KPRP: variants seen among roughly 807,000 people sequenced by gnomAD.
KPRP encodes the protein keratinocyte proline rich protein, also known as keratinocyte proline-rich protein.
For synonymous variants in KPRP, 282 were observed against 276.9 expected, an observed-to-expected ratio of 1.02 and a Z score of -0.18; for missense variants, 820 against 746.4, an observed-to-expected ratio of 1.10 and a Z score of -1.15.
upstream of KPRP, among the ~76,000 whole-genome samples, chr1:152,758,320 A>C (rs190002713): frequency 8.5e-5 from 13 of 152,326 alleles, no homozygotes; most frequent in East Asian, 2.5e-3. Flanking sequence ...ATTTTCCCTC[A>C]TGATCTTTCT....
upstream of KPRP, chr1:152,759,484 T>G (rs749808988): frequency 6.1e-6 from 9 of 1,479,812 alleles, no homozygotes; most frequent in Non-Finnish European, 7.2e-6. Flanking sequence ...CTAGGGAAGA[T>G]GCAGGGTGTC....
At position 152,759,910 on chromosome 1, in the gene KPRP, C is replaced by T. The variant is rs747312173; in HGVS notation, c.322C>T (p.Gln108Ter). ...ATCCCAATCTCAAACTTCCTCTGTTCAAAGCCAGGCTCCATGCCAATCTGA... is the reference window on the plus strand; with the variant it reads ...ATCCCAATCTCAAACTTCCTCTGTTTAAAGCCAGGCTCCATGCCAATCTGA... The change falls in exon 1 of 1, where the codon CAA becomes TAA. Residue 108 changes from glutamine to a stop codon, truncating the protein, a stop_gained. Coordinates refer to ENST00000606109, the Ensembl canonical transcript of KPRP. LOFTEE classifies it low-confidence loss of function (END_TRUNC). The T allele has an allele frequency of 1.2e-6, 2 of 1,614,110 alleles. No homozygotes were observed. Among genetic ancestry groups the T allele is most frequent in the Non-Finnish European group, 1.7e-6 (2 of 1,180,012 alleles).
upstream of KPRP, among the ~76,000 whole-genome samples, chr1:152,758,637 C>T (rs1651014557): frequency 6.6e-6 from 1 of 152,182 alleles, no homozygotes; most frequent in Non-Finnish European, 1.5e-5. Context: ...GCCTGCAGCC[C>T]TCACGTTATG....
exon 1 of KPRP, chr1:152,759,958 G>C: frequency 6.2e-7 from 1 of 1,614,196 alleles, no homozygotes; most frequent in Non-Finnish European, 8.5e-7. Context: ...GCAGTGCGAA[G>C]CGTCACAACC....
chr1:152,760,830 A>T (rs757270096), exon 1 of KPRP: 1 of 1,613,944 alleles, frequency 6.2e-7, no homozygotes, highest in Non-Finnish European at 8.5e-7. Flanking sequence ...AACCATGCAT[A>T]AGTCTAGAAC....
At chr1:152,760,519 C>G (rs778878205) in exon 1 of KPRP, 7 of 1,612,496 alleles carry the variant, frequency 4.3e-6, no homozygotes, top group Non-Finnish European at 5.9e-6. Flanking sequence ...TCGCTGTCCT[C>G]GCCGCCCCAT....
exon 1 of KPRP, chr1:152,759,901 T>C: frequency 1.2e-6 from 2 of 1,614,076 alleles, no homozygotes; most frequent in Non-Finnish European, 1.7e-6. Context: ...ATCTCAAACT[T>C]CCTCTGTTCA....
exon 1 of KPRP, chr1:152,761,962 T>A (rs1199883027): frequency 6.0e-6 from 1 of 168,044 alleles, no homozygotes; most frequent in African/African-American, 2.4e-5. Flanking sequence ...GCTTGTGGGT[T>A]GGCAGCTTGA....
At chr1:152,759,644 A>G in exon 1 of KPRP, 1 of 1,614,140 alleles carries the variant, frequency 6.2e-7, no homozygotes, top group Non-Finnish European at 8.5e-7. Flanking sequence ...TGCTGCGTCA[A>G]GGGTCCCTCC....
At chr1:152,761,064 G>C (rs369995030) in exon 1 of KPRP, 2 of 1,613,866 alleles carry the variant, frequency 1.2e-6, no homozygotes, top group African/African-American at 2.7e-5. Flanking sequence ...AGCCCTGCAG[G>C]GAGACTTGGC....
upstream of KPRP, among the ~76,000 whole-genome samples, chr1:152,759,342 C>A (rs1651032774): frequency 6.6e-6 from 1 of 152,110 alleles, no homozygotes; most frequent in Non-Finnish European, 1.5e-5. Flanking sequence ...GTAGGTCCAC[C>A]CCCAGGGAGA....
chr1:152,761,123 A>G, exon 1 of KPRP: 2 of 1,613,986 alleles, frequency 1.2e-6, no homozygotes, highest in Non-Finnish European at 1.7e-6. Context: ...TACCCAGGAG[A>G]CCTAGGCTGT....
In KPRP at chr1:152,761,448, GA is replaced by G. The variant is rs1030362679; in HGVS notation, c.*122del. 3 of 1,455,140 alleles carry G rather than the reference GA, an allele frequency of 2.1e-6. No individual in the cohort carries two copies. The African/African-American group carries it at 4.3e-5, about 21-fold the overall frequency. The allele number at this position is 1,455,140 out of a possible 1,614,324, so 90.1% of individuals were successfully genotyped here. On this transcript the variant is annotated 3_prime_UTR_variant, in exon 1 of 1. Coordinates refer to ENST00000606109, the Ensembl canonical transcript of KPRP. The stretch of plus-strand genomic sequence containing the variant: ...AAGATATTCAGAGACTCCCTATTAC[GA>G]AGGTGATGTCCAAACTCCTTTGCCT...
chr1:152,761,521 A>T (rs1287902571), exon 1 of KPRP: 16 of 1,070,748 alleles, frequency 1.5e-5, no homozygotes, highest in Non-Finnish European at 5.2e-6. Context: ...CTCCAGCCTC[A>T]CGTGTCACTC....
Position 152,760,490 on chromosome 1 carries a change from C to T in KPRP, c.902C>T (p.Ser301Phe), listed in dbSNP as rs368767593. The change falls in exon 1 of 1, where the codon TCT (serine) becomes TTT (phenylalanine). Residue 301 changes from serine to phenylalanine, a missense_variant. Ser to Phe is a radical substitution (Grantham distance 155). Transcript: ENST00000606109. ...AACTACTGCACCCCACCCCGCCGCT[C>T]TGAACCCATATATAACAGTCGCTGT... 9.3e-6 allele frequency: 15 copies of T among 1,613,594 alleles called. No homozygotes were observed. The highest frequency in any genetic ancestry group is 1.2e-5 in the Non-Finnish European group (14 of 1,180,044).
At chr1:152,758,779 C>T (rs1173027653), upstream of KPRP, among the ~76,000 whole-genome samples, 1 of 152,232 alleles carries the variant, frequency 6.6e-6, no homozygotes, top group Non-Finnish European at 1.5e-5. Context: ...TGGGGAAAAA[C>T]ATTTCTGAGG....
Position 152,760,861 on chromosome 1 carries a change from C to T in KPRP, c.1273C>T (p.Arg425Ter), listed in dbSNP as rs375076533. 2 of 1,614,116 alleles carry T rather than the reference C, an allele frequency of 1.2e-6. No individual in the cohort carries two copies. The highest frequency in any genetic ancestry group is 2.2e-5 in the South Asian group (2 of 91,082). ...AGAACCACGCCCGCGTCCTCTACCACGACAACTTTCAGAACCTTGTTTGTA... is the reference window on the plus strand; with the variant it reads ...AGAACCACGCCCGCGTCCTCTACCATGACAACTTTCAGAACCTTGTTTGTA... The change falls in exon 1 of 1, where the codon CGA becomes TGA. Residue 425 changes from arginine to a stop codon, truncating the protein, a stop_gained. Transcript: ENST00000606109. LOFTEE classifies it low-confidence loss of function (END_TRUNC).
At chr1:152,758,372 G>T (rs967631497), upstream of KPRP, among the ~76,000 whole-genome samples, 1 of 152,208 alleles carries the variant, frequency 6.6e-6, no homozygotes, top group African/African-American at 2.4e-5. Flanking sequence ...GAGCAAAGTT[G>T]TGTGTGGAAG....
chr1:152,760,642 C>T (rs1403896561), exon 1 of KPRP: 4 of 1,610,634 alleles, frequency 2.5e-6, no homozygotes, highest in African/African-American at 2.7e-5. Flanking sequence ...TCCCATCAGA[C>T]GCCGCTCCCA....
Sources: gnomAD v4.1 joint callset for allele counts (sites outside exome capture counted in the v4.1 genomes callset) on GRCh38, gnomAD v4.1.1 for gene constraint, MANE v1.5 for transcripts, NCBI Gene and HGNC (gene_info 2026-07-23, HGNC 2026-07-21) for gene names.